Variants in ZFYVE28 observed in about 807,000 individuals in gnomAD.
ZFYVE28 encodes zinc finger FYVE-type containing 28, also known as lateral signaling target protein 2 homolog.
A neutral mutation model predicts 82.1 loss-of-function variants in ZFYVE28; 40 were observed. That is an observed-to-expected ratio of 0.49 (90% confidence interval 0.38 to 0.63). The LOEUF (loss-of-function observed/expected upper bound fraction) is 0.63. Ranked by LOEUF, ZFYVE28 falls within the 30% of genes least tolerant of loss-of-function variation. ZFYVE28 has a pLI of 0.00. For missense variants in ZFYVE28, 1,321 were observed against 1,242.1 expected, an observed-to-expected ratio of 1.06 and a Z score of -0.96; for synonymous variants, 612 against 546.1, an observed-to-expected ratio of 1.12 and a Z score of -1.68.
At chr4:2,270,882 G>T in intron 12 of ZFYVE28, 26 bp from the exon 13 acceptor site, 1 of 1,609,700 alleles carries the variant, frequency 6.2e-7, no homozygotes. Context: ...GGCAGTGAGG[G>T]TCTGCGGCAG....
chr4:2,302,660 A>C (rs1002628336), intron 8 of ZFYVE28, among the ~76,000 whole-genome samples: 1 of 152,270 alleles, frequency 6.6e-6, no homozygotes, highest in African/African-American at 2.4e-5. Flanking sequence ...CTGTGTCCAC[A>C]CAAAAACTTG....
chr4:2,335,664 C>G lies in ZFYVE28; in HGVS notation c.701+41G>C. Reference sequence around the variant, plus strand: ...CTGGCACCATCAGCCCTGCCCGTCCCGCAGGTTTCTGCAGAGGTCCTGGGC... The same window carrying G: ...CTGGCACCATCAGCCCTGCCCGTCCGGCAGGTTTCTGCAGAGGTCCTGGGC... On this transcript the variant is annotated intron_variant, in intron 6 of 12. Transcript: ENST00000290974. The surrounding 1 kb of genome is among the most constrained non-coding windows in gnomAD (Gnocchi z 5.8). The G allele has an allele frequency of 6.5e-7, 1 of 1,541,934 alleles. No individual in the cohort carries two copies. The highest frequency in any genetic ancestry group is 8.8e-7 in the Non-Finnish European group (1 of 1,138,252).
At chr4:2,353,350 A>G (rs984181000) in intron 2 of ZFYVE28, among the ~76,000 whole-genome samples, 7 of 152,362 alleles carry the variant, frequency 4.6e-5, no homozygotes, top group African/African-American at 1.4e-4. Flanking sequence ...GCAAGGATTC[A>G]GCAAGACCCT....
At chr4:2,346,753 C>T (rs915958399) in intron 2 of ZFYVE28, among the ~76,000 whole-genome samples, 2 of 151,358 alleles carry the variant, frequency 1.3e-5, no homozygotes, top group Admixed American at 6.6e-5. Flanking sequence ...AGATTTCTGG[C>T]TAATGAGCCA....
intron 1 of ZFYVE28, among the ~76,000 whole-genome samples, chr4:2,354,382 G>T (rs1222809310): frequency 1.3e-5 from 2 of 151,850 alleles, no homozygotes; most frequent in African/African-American, 2.4e-5. Flanking sequence ...CTGGTGGAGA[G>T]CCCACAGAAA....
chr4:2,341,914 G>A lies in ZFYVE28; in HGVS notation c.181-299C>T, dbSNP rs924840313. ...GCACACCTGTAATCCCAGCTATTAGGGAGGCTGAGGCAGGAGAATCACTTG... is the reference window on the plus strand; with the variant it reads ...GCACACCTGTAATCCCAGCTATTAGAGAGGCTGAGGCAGGAGAATCACTTG... On this transcript the variant is annotated intron_variant, in intron 2 of 12. Coordinates refer to ENST00000290974, the MANE Select transcript of ZFYVE28 (RefSeq NM_020972.3). This position sits in a 1 kb window ranked among gnomAD's most constrained non-coding sequence, Gnocchi z 4.5. Among the ~76,000 whole-genome samples the A allele has an allele frequency of 1.3e-5, 2 of 152,182 alleles. No homozygotes were observed. Among genetic ancestry groups the A allele is most frequent in the Admixed American group, 1.3e-4 (2 of 15,278 alleles).
At chr4:2,299,624 A>AGGGAGGGAAG (rs1715179084) in intron 8 of ZFYVE28, among the ~76,000 whole-genome samples, 1 of 2,682 alleles carries the variant, frequency 3.7e-4, no homozygotes. Flanking sequence ...AGAAAAGAGA[A>AGGGAGGGAAG]GGAAGGGAAG....
intron 8 of ZFYVE28, among the ~76,000 whole-genome samples, chr4:2,297,744 G>C (rs776451129): frequency 1.3e-5 from 2 of 152,028 alleles, no homozygotes; most frequent in Non-Finnish European, 2.9e-5. Flanking sequence ...AGGACGAGCA[G>C]TGACAGTGGG....
chr4:2,356,286 AG>A (rs1725300772), intron 1 of ZFYVE28, among the ~76,000 whole-genome samples: 1 of 152,142 alleles, frequency 6.6e-6, no homozygotes, highest in Non-Finnish European at 1.5e-5. Flanking sequence ...TGTTCACAGG[AG>A]GCTGACGGAG....
intron 8 of ZFYVE28, among the ~76,000 whole-genome samples, chr4:2,276,377 G>A (rs757196215): frequency 3.3e-5 from 5 of 152,204 alleles, no homozygotes; most frequent in Non-Finnish European, 7.3e-5. Context: ...TTGGGGGTGT[G>A]GGCCTTGCTG....
intron 6 of ZFYVE28, among the ~76,000 whole-genome samples, chr4:2,325,408 C>T (rs1297972590): frequency 1.3e-5 from 2 of 151,946 alleles, no homozygotes; most frequent in Non-Finnish European, 2.9e-5. Context: ...CTGTCATATA[C>T]TCAGGTGAAA....
chr4:2,342,283 A>G (rs140799014), intron 2 of ZFYVE28, among the ~76,000 whole-genome samples: 2 of 152,312 alleles, frequency 1.3e-5, no homozygotes, highest in Non-Finnish European at 2.9e-5. Context: ...TGCTTTCACA[A>G]CATGGAGACC....
chr4:2,310,928 G>A (rs1001220897), intron 7 of ZFYVE28, among the ~76,000 whole-genome samples: 2 of 152,084 alleles, frequency 1.3e-5, no homozygotes, highest in Non-Finnish European at 2.9e-5. Context: ...TGTGTCTGAT[G>A]TTTTCTCTGT....
chr4:2,394,112 C>T lies in ZFYVE28; in HGVS notation c.39+24173G>A, dbSNP rs1371169927. ...GCACGTCTACAGCCTTCTTCCCAGGCCCAGCTCCTCTGACTCTCCTGCCCC... is the reference window on the plus strand; with the variant it reads ...GCACGTCTACAGCCTTCTTCCCAGGTCCAGCTCCTCTGACTCTCCTGCCCC... On this transcript the variant is annotated intron_variant, in intron 1 of 12. Coordinates refer to ENST00000290974, the MANE Select transcript of ZFYVE28 (RefSeq NM_020972.3). The surrounding 1 kb of genome is among the most constrained non-coding windows in gnomAD (Gnocchi z 4.0). Among the ~76,000 whole-genome samples, 1 of 152,222 alleles carries T rather than the reference C, an allele frequency of 6.6e-6. No homozygotes were observed. The highest frequency in any genetic ancestry group is 2.1e-4 in the South Asian group (1 of 4,832).
At chr4:2,311,350 C>G (rs922466202) in intron 7 of ZFYVE28, among the ~76,000 whole-genome samples, 3 of 152,084 alleles carry the variant, frequency 2.0e-5, no homozygotes, top group Admixed American at 2.0e-4. Context: ...ACAGTGAAAC[C>G]CTGTCTTTAC....
At chr4:2,317,888 C>T (rs1305710524) in intron 7 of ZFYVE28, among the ~76,000 whole-genome samples, 1 of 152,178 alleles carries the variant, frequency 6.6e-6, no homozygotes, top group Non-Finnish European at 1.5e-5. Flanking sequence ...CCGCCTGGGC[C>T]TCCCAAGGTG....
At chr4:2,350,034 G>GACACACAC (rs71644325) in intron 2 of ZFYVE28, among the ~76,000 whole-genome samples, 1,603 of 148,792 alleles carry the variant, frequency 0.011, 14 homozygotes, top group South Asian at 0.025. Flanking sequence ...GTGACACACA[G>GACACACAC]ACACACACAC....
chr4:2,373,588 T>C (rs61790689), intron 1 of ZFYVE28, among the ~76,000 whole-genome samples: 23,283 of 152,220 alleles, frequency 0.15, 2,159 homozygotes, highest in Middle Eastern at 0.28. Flanking sequence ...GTCAACATCT[T>C]GGTCTTCTGC....
intron 1 of ZFYVE28, among the ~76,000 whole-genome samples, chr4:2,360,107 C>A (rs149285899): frequency 6.6e-6 from 1 of 152,090 alleles, no homozygotes; most frequent in South Asian, 2.1e-4. Flanking sequence ...TGGGCTCTGA[C>A]GGTATAATTG....
Sources: allele counts gnomAD v4.1 joint callset (sites outside exome capture counted in the v4.1 genomes callset), GRCh38; gene constraint gnomAD v4.1.1; non-coding constraint Gnocchi (gnomAD v3.1); transcripts MANE v1.5; gene names NCBI Gene and HGNC (gene_info 2026-07-23, HGNC 2026-07-21).